The following UBN2 variants were observed in gnomAD, a reference collection of about 807,000 sequenced individuals.
UBN2 encodes ubinuclein-2.
UBN2 carries 35 observed loss-of-function variants against 120.2 expected under a neutral mutation model. The observed-to-expected ratio is 0.29, with a 90% CI of 0.22 to 0.39. UBN2 has a LOEUF of 0.39. UBN2 is among the 10% of genes least tolerant of loss of function. The pLI is 1.00. For synonymous variants in UBN2, 661 were observed against 648.7 expected, an observed-to-expected ratio of 1.02 and a Z score of -0.29; for missense variants, 1,693 against 1,663.2, an observed-to-expected ratio of 1.02 and a Z score of -0.31.
In UBN2 at chr7:139,259,250, C is replaced by G; in HGVS notation, c.802-17C>G. ...ATTGTTACTTACATAAATGATCATTCTTTTATCATTTTGCAGGTCCCCAAA... is the reference window on the plus strand; with the variant it reads ...ATTGTTACTTACATAAATGATCATTGTTTTATCATTTTGCAGGTCCCCAAA... On this transcript the variant is annotated splice_polypyrimidine_tract_variant and intron_variant, in intron 4 of 17. Coordinates refer to ENST00000473989, the MANE Select transcript of UBN2 (RefSeq NM_173569.4). 6.2e-7 allele frequency: 1 copy of G among 1,610,008 alleles called. No homozygotes were observed. The highest frequency in any genetic ancestry group is 8.5e-7 in the Non-Finnish European group (1 of 1,178,914).
chr7:139,232,204 G>T (rs1378089843), intron 1 of UBN2, among the ~76,000 whole-genome samples: 1 of 152,236 alleles, frequency 6.6e-6, no homozygotes, highest in Non-Finnish European at 1.5e-5. Flanking sequence ...ACGCCGCGCC[G>T]AGCTCGTTTT....
At chr7:139,232,070 G>T (rs1431014207) in intron 1 of UBN2, 118 bp downstream of exon 1, 1 of 952,672 alleles carries the variant, frequency 1.0e-6, no homozygotes, top group East Asian at 3.2e-5. Context: ...CCCGAGGGTG[G>T]GGTGCGGGGG....
chr7:139,249,906 G>T (rs1302743726), intron 2 of UBN2, among the ~76,000 whole-genome samples: 1 of 151,810 alleles, frequency 6.6e-6, no homozygotes, highest in African/African-American at 2.4e-5. Context: ...TCACTGTGTT[G>T]CCCAGGCTAG....
Position 139,292,992 on chromosome 7 carries a change from G to A in UBN2, c.3670-240G>A, listed in dbSNP as rs1023285502. Among the ~76,000 whole-genome samples, 3 of 152,142 alleles carry A rather than the reference G, an allele frequency of 2.0e-5. No homozygotes were observed. The South Asian group carries it at 6.2e-4, about 32-fold the overall frequency. On this transcript the variant is annotated intron_variant, in intron 15 of 17. Coordinates refer to ENST00000473989, the MANE Select transcript of UBN2 (RefSeq NM_173569.4). ...GGTGTTTGGGCTAGGAGGCAAAAGT[G>A]GAGGAGTGCGAGTGGAAGGTTGGGA...
chr7:139,293,120 T>G lies in UBN2; in HGVS notation c.3670-112T>G, dbSNP rs539639202. The G allele has an allele frequency of 1.3e-4, 107 of 843,934 alleles. 5 individuals are homozygous for G. The South Asian group carries it at 1.7e-3, about 13-fold the overall frequency. 52.3% of individuals were successfully genotyped at this position (843,934 alleles called of 1,614,324 possible). On this transcript the variant is annotated intron_variant, in intron 15 of 17. Transcript: ENST00000473989. ...AATGAAGAGCCTGTCTCACAACGTT[T>G]CTGTCAGAGCAGATGTAAGGCACAG...
chr7:139,287,460 G>C (rs754635419), intron 15 of UBN2, among the ~76,000 whole-genome samples: 1 of 152,042 alleles, frequency 6.6e-6, no homozygotes, highest in Non-Finnish European at 1.5e-5. Context: ...CAGTCTGTCA[G>C]TTCTATTTTG....
In UBN2 at chr7:139,283,290, A is replaced by G; in HGVS notation, c.2385A>G (p.Thr795=). ...GCTCAAGGATAAGCATGCCAACCACAAAGCCTCGTCCAGGACTGAGAGAAG... is the reference window on the plus strand; with the variant it reads ...GCTCAAGGATAAGCATGCCAACCACGAAGCCTCGTCCAGGACTGAGAGAAG... ...PVGSRISMPT[T]KPRPGLREEK... is the part of the protein sequence containing the mutation. Residue 795 remains threonine (T), a synonymous_variant, in exon 15 of 18, where the codon ACA becomes ACG. Transcript: ENST00000473989. 6.2e-7 allele frequency: 1 copy of G among 1,613,922 alleles called. No homozygotes were observed. The highest frequency in any genetic ancestry group is 2.2e-5 in the East Asian group (1 of 44,882).
chr7:139,317,334 G>T, the UBN2 span, among the ~76,000 whole-genome samples: 14 of 151,796 alleles, frequency 9.2e-5, no homozygotes, highest in African/African-American at 3.1e-4. Context: ...ACCACGCCCA[G>T]CTAGTTTTTA....
Position 139,299,599 on chromosome 7 carries a change from G to C in UBN2, c.*1763G>C, listed in dbSNP as rs1017307709. 1.3e-5 allele frequency: 2 copies of C among 152,060 alleles called. No homozygotes were observed. The highest frequency in any genetic ancestry group is 1.3e-4 in the Admixed American group (2 of 15,276). 9.4% of individuals were successfully genotyped at this position (152,060 alleles called of 1,614,324 possible). On this transcript the variant is annotated 3_prime_UTR_variant, in exon 18 of 18. Transcript: ENST00000473989. Reference sequence around the variant, plus strand: ...GTAAAGGGAAAGGATTATTTCAAAGGAATCACTGATATAATTTCTTGACTC... The same window carrying C: ...GTAAAGGGAAAGGATTATTTCAAAGCAATCACTGATATAATTTCTTGACTC...
At position 139,290,660 on chromosome 7, in the gene UBN2, A is replaced by T. The variant is rs562400796; in HGVS notation, c.3670-2572A>T. ...GTGGAATTATTCTCTTAACTCTCAG[A>T]TATGCAGGATGGAAATTGAGATGAG... On this transcript the variant is annotated intron_variant, in intron 15 of 17. Transcript: ENST00000473989. Among the ~76,000 whole-genome samples the T allele has an allele frequency of 2.7e-4, 41 of 152,334 alleles. No homozygotes were observed. In the South Asian group the frequency reaches 7.9e-3, roughly 29 times the overall value.
At chr7:139,272,513 T>C (rs1166587149) in intron 9 of UBN2, 73 bp downstream of exon 9, 4 of 786,996 alleles carry the variant, frequency 5.1e-6, no homozygotes, top group Non-Finnish European at 8.0e-6. Flanking sequence ...TATGTATGTA[T>C]GTATGTATGT....
the UBN2 span, among the ~76,000 whole-genome samples, chr7:139,323,239 A>T: frequency 6.6e-6 from 1 of 152,172 alleles, no homozygotes; most frequent in African/African-American, 2.4e-5. Flanking sequence ...AGATCACTTG[A>T]GGTCAGGAGT....
At chr7:139,232,001 C>T (rs749701304) in intron 1 of UBN2, 49 bp downstream of exon 1, 1 of 1,545,444 alleles carries the variant, frequency 6.5e-7, no homozygotes, top group Non-Finnish European at 8.7e-7. Flanking sequence ...GCCTCAGGAC[C>T]CGCCGCCTTC....
At chr7:139,263,736 C>T (rs889438029) in intron 6 of UBN2, among the ~76,000 whole-genome samples, 1 of 143,008 alleles carries the variant, frequency 7.0e-6, no homozygotes, top group Non-Finnish European at 1.5e-5. Context: ...CACTGCACTC[C>T]AGCCTGAGCA....
At chr7:139,264,244 A>G (rs572173290) in intron 6 of UBN2, among the ~76,000 whole-genome samples, 2 of 152,194 alleles carry the variant, frequency 1.3e-5, no homozygotes, top group African/African-American at 4.8e-5. Context: ...TGGCTTTTTA[A>G]CTTCCTCTTA....
At chr7:139,236,950 A>T in intron 1 of UBN2, 55 bp from the exon 2 acceptor site, 3 of 1,100,422 alleles carry the variant, frequency 2.7e-6, no homozygotes, top group Non-Finnish European at 4.0e-6. Context: ...AACAATAATA[A>T]TATTTGTAAT....
At chr7:139,254,160 G>T (rs1326920494) in intron 3 of UBN2, among the ~76,000 whole-genome samples, 1 of 152,120 alleles carries the variant, frequency 6.6e-6, no homozygotes, top group Non-Finnish European at 1.5e-5. Flanking sequence ...GGGCGTGGTG[G>T]CGGGCGCCTG....
the UBN2 span, among the ~76,000 whole-genome samples, chr7:139,319,891 A>G: frequency 1.3e-5 from 2 of 152,250 alleles, no homozygotes; most frequent in East Asian, 3.9e-4. Context: ...CCTGGCTAAC[A>G]TGGTGAAACC....
intron 15 of UBN2, among the ~76,000 whole-genome samples, chr7:139,285,651 T>C (rs1797763732): frequency 6.6e-6 from 1 of 152,162 alleles, no homozygotes; most frequent in African/African-American, 2.4e-5. Context: ...GGTTATTTAT[T>C]TTAGATCAAG....
Sources: gnomAD v4.1 joint callset for allele counts (sites outside exome capture counted in the v4.1 genomes callset) on GRCh38, gnomAD v4.1.1 for gene constraint, MANE v1.5 for transcripts, NCBI Gene and HGNC (gene_info 2026-07-23, HGNC 2026-07-21) for gene names.